Variants in DMXL1 observed in about 807,000 individuals in gnomAD.
DMXL1 encodes dmX-like protein 1.
In DMXL1, 99 loss-of-function variants were observed where a neutral mutation model predicts 319.2. The observed-to-expected ratio is 0.31, with a 90% CI of 0.26 to 0.37. The LOEUF (loss-of-function observed/expected upper bound fraction) is 0.37. DMXL1 is among the 10% of genes least tolerant of loss of function. DMXL1 has a pLI of 1.00. For missense variants in DMXL1, 3,745 were observed against 3,595.6 expected (o/e 1.04, Z -1.06); for synonymous variants, 1,385 against 1,235.2 (o/e 1.12, Z -2.54).
At chr5:119,221,411 G>T (rs2150583601) in intron 37 of DMXL1, among the ~76,000 whole-genome samples, 1 of 152,226 alleles carries the variant, frequency 6.6e-6, no homozygotes, top group East Asian at 1.9e-4. Flanking sequence ...TAGCTAATAT[G>T]CTAAGAATGG....
rs923598418 is a variant in DMXL1, at chr5:119,101,721, G to A, written c.214-214G>A. Among the ~76,000 whole-genome samples the A allele has an allele frequency of 6.6e-5, 10 of 152,292 alleles. 1 individual carries two copies. Among genetic ancestry groups the A allele is most frequent in the African/African-American group, 1.9e-4 (8 of 41,582 alleles). On this transcript the variant is annotated intron_variant, in intron 2 of 43. Transcript: ENST00000539542. The stretch of plus-strand genomic sequence containing the variant: ...TATGAACACTGTAATGGAAACTAAC[G>A]TTTGGAGAGATTAAGTTGCTAGTTA...
intron 38 of DMXL1, among the ~76,000 whole-genome samples, chr5:119,225,182 A>G (rs1274447865): frequency 2.6e-5 from 4 of 151,916 alleles, no homozygotes; most frequent in African/African-American, 4.8e-5. Flanking sequence ...CCGTACCTCA[A>G]TTATTTATTA....
chr5:119,193,327 A>G (rs564166545), intron 29 of DMXL1, among the ~76,000 whole-genome samples: 1 of 151,930 alleles, frequency 6.6e-6, no homozygotes, highest in Non-Finnish European at 1.5e-5. Context: ...CTCTTTCCCA[A>G]ACTCTTTCTG....
chr5:119,148,203 G>A (rs1264870230), intron 17 of DMXL1, among the ~76,000 whole-genome samples: 18 of 152,142 alleles, frequency 1.2e-4, no homozygotes, highest in Admixed American at 1.2e-3. Context: ...GAAGGGCCCT[G>A]TAAAGTGACC....
chr5:119,147,095 A>G (rs1271597916), intron 16 of DMXL1, 139 bp downstream of exon 16: 2 of 1,174,696 alleles, frequency 1.7e-6, no homozygotes, highest in South Asian at 1.4e-5. Flanking sequence ...AATTAATTCA[A>G]AAAGCTTTTC....
chr5:119,112,995 A>G (rs1294652220), intron 5 of DMXL1, among the ~76,000 whole-genome samples: 2 of 152,174 alleles, frequency 1.3e-5, no homozygotes, highest in African/African-American at 4.8e-5. Context: ...ATTTTGTCTT[A>G]AGGATATCCT....
intron 43 of DMXL1, among the ~76,000 whole-genome samples, chr5:119,244,872 T>C (rs901651243): frequency 2.0e-5 from 3 of 152,206 alleles, no homozygotes; most frequent in Non-Finnish European, 4.4e-5. Flanking sequence ...GTTACATAAT[T>C]TACTGAATTT....
At position 119,133,220 on chromosome 5, in the gene DMXL1, A is replaced by G. The variant is rs1173434585; in HGVS notation, c.1404A>G (p.Thr468=). 2 of 1,614,126 alleles carry G rather than the reference A, an allele frequency of 1.2e-6. No individual in the cohort carries two copies. Among genetic ancestry groups the G allele is most frequent in the Non-Finnish European group, 1.7e-6 (2 of 1,180,048 alleles). Residue 468 remains threonine (T), a synonymous_variant, in exon 11 of 44, where the codon ACA becomes ACG. Coordinates refer to ENST00000539542, the MANE Select transcript of DMXL1 (RefSeq NM_001290321.3). ...AAATGGTACCAAACTCAAGTTTTAC[A>G]TCATTATCGTCAGCTGCCATTGATC... ...CDKMVPNSSF[T]SLSSAAIDHQ...
intron 1 of DMXL1, among the ~76,000 whole-genome samples, chr5:119,082,056 C>CAT (rs1312546895): frequency 0.016 from 2,377 of 145,022 alleles, 42 homozygotes; most frequent in Middle Eastern, 0.035. Flanking sequence ...CACACACACA[C>CAT]ATACACGTAT....
Position 119,113,566 on chromosome 5 carries a change from T to C in DMXL1, c.498-909T>C, listed in dbSNP as rs115210112. On this transcript the variant is annotated intron_variant, in intron 5 of 43. Coordinates refer to ENST00000539542, the MANE Select transcript of DMXL1 (RefSeq NM_001290321.3). ...CATGACATATTTTTTTAGTGGGTGATAAGTGTGACTTCAGTTTCTAGCCCT... is the reference window on the plus strand; with the variant it reads ...CATGACATATTTTTTTAGTGGGTGACAAGTGTGACTTCAGTTTCTAGCCCT... 7.8e-3 allele frequency among the ~76,000 whole-genome samples: 1,195 copies of C among 152,294 alleles called. 3 individuals carry two copies. The highest frequency in any genetic ancestry group is 0.013 in the Non-Finnish European group (866 of 68,016).
At chr5:119,185,242 A>G (rs181749313) in intron 28 of DMXL1, among the ~76,000 whole-genome samples, 23 of 151,622 alleles carry the variant, frequency 1.5e-4, no homozygotes, top group Non-Finnish European at 2.9e-4. Flanking sequence ...CCCCCTATTT[A>G]TCAAAAAATA....
At chr5:119,205,038 G>C (rs1378594484) in intron 33 of DMXL1, among the ~76,000 whole-genome samples, 1 of 152,112 alleles carries the variant, frequency 6.6e-6, no homozygotes, top group African/African-American at 2.4e-5. Context: ...AATCGACCAA[G>C]TCAGGAAATA....
intron 5 of DMXL1, among the ~76,000 whole-genome samples, chr5:119,112,054 G>A (rs953732848): frequency 1.3e-5 from 2 of 152,088 alleles, no homozygotes; most frequent in East Asian, 1.9e-4. Flanking sequence ...TCCGCCTCCC[G>A]GGTTCATACC....
At chr5:119,098,408 C>G (rs1054573593) in intron 2 of DMXL1, among the ~76,000 whole-genome samples, 2 of 151,268 alleles carry the variant, frequency 1.3e-5, no homozygotes, top group African/African-American at 4.9e-5. Context: ...AACAATGAAT[C>G]TTCAATATTT....
chr5:119,129,544 G>C (rs1427451190), intron 10 of DMXL1, 121 bp downstream of exon 10: 2 of 668,732 alleles, frequency 3.0e-6, no homozygotes, highest in Admixed American at 6.0e-5. Flanking sequence ...ATCCAAACAT[G>C]GACTAGCTCA....
chr5:119,171,823 T>A lies in DMXL1; in HGVS notation c.6535T>A (p.Ser2179Thr). The change falls in exon 25 of 44, where the codon TCA becomes ACA. Residue 2179 changes from serine to threonine, a missense_variant. Coordinates refer to ENST00000539542, the MANE Select transcript of DMXL1 (RefSeq NM_001290321.3). ...TTCTAGCCCTCTGTCAGAGCAAACC[T>A]CAGTGCCTCTCCTCTTTGCTTGTAC... ...LFSSPLSEQT[S>T]VPLLFACTAN... The A allele has an allele frequency of 6.2e-7, 1 of 1,613,810 alleles. No individual in the cohort carries two copies. The highest frequency in any genetic ancestry group is 8.5e-7 in the Non-Finnish European group (1 of 1,179,786).
At chr5:119,232,041 CACAA>C (rs1786839222) in intron 38 of DMXL1, among the ~76,000 whole-genome samples, 1 of 152,020 alleles carries the variant, frequency 6.6e-6, no homozygotes, top group South Asian at 2.1e-4. Context: ...CTACTTACAG[CACAA>C]TCAAGGCACA....
chr5:119,227,572 G>A (rs542845000), intron 38 of DMXL1, among the ~76,000 whole-genome samples: 1 of 151,970 alleles, frequency 6.6e-6, no homozygotes, highest in Admixed American at 6.6e-5. Context: ...AGGCAACCAT[G>A]TAAGGGACTA....
chr5:119,084,192 C>T (rs935110225), intron 1 of DMXL1, among the ~76,000 whole-genome samples: 33 of 152,038 alleles, frequency 2.2e-4, no homozygotes, highest in African/African-American at 7.7e-4. Flanking sequence ...TCATTCTTGG[C>T]TCCCTGCAAC....
Sources: gnomAD v4.1 joint callset for allele counts (sites outside exome capture counted in the v4.1 genomes callset) on GRCh38, gnomAD v4.1.1 for gene constraint, MANE v1.5 for transcripts, NCBI Gene and HGNC (gene_info 2026-07-23, HGNC 2026-07-21) for gene names.